CD1C: variants seen among roughly 807,000 people sequenced by gnomAD.
CD1C encodes T-cell surface glycoprotein CD1c.
Under a neutral mutation model 39.4 loss-of-function variants are expected in CD1C, and 47 were observed. That is an observed-to-expected ratio of 1.19 (90% confidence interval 0.94 to 1.52). The LOEUF is 1.52. Ranked by LOEUF, CD1C falls within the 40% of genes most tolerant of loss-of-function variation. CD1C has a pLI of 0.00. For synonymous variants in CD1C, 165 were observed against 150.8 expected, an observed-to-expected ratio of 1.09 and a Z score of -0.69; for missense variants, 417 against 395.2, an observed-to-expected ratio of 1.06 and a Z score of -0.47.
chr1:158,291,971 C>T (rs1295904754), intron 2 of CD1C, 113 bp from the exon 3 acceptor site: 1 of 1,062,450 alleles, frequency 9.4e-7, no homozygotes, highest in Non-Finnish European at 1.4e-6. Flanking sequence ...TTGGCTCACT[C>T]TCACATCCAT....
Position 158,292,069 on chromosome 1 carries a change from C to G in CD1C, c.329-15C>G. ...TTTTGTTTGAACTCTTTTTCTCATT[C>G]CTCCCTTCCTCCAGATCCCTTTGAA... On this transcript the variant is annotated splice_polypyrimidine_tract_variant and intron_variant, in intron 2 of 5. Transcript: ENST00000368170. 1 of 1,595,034 alleles carries G rather than the reference C, an allele frequency of 6.3e-7. No homozygotes were observed. The highest frequency in any genetic ancestry group is 8.5e-7 in the Non-Finnish European group (1 of 1,173,608).
chr1:158,294,441 A>T lies in CD1C; in HGVS notation c.*965A>T, dbSNP rs553535194. 6.6e-6 allele frequency among the ~76,000 whole-genome samples: 1 copy of T among 152,302 alleles called. No homozygotes were observed. Among genetic ancestry groups the T allele is most frequent in the Non-Finnish European group, 1.5e-5 (1 of 68,034 alleles). On this transcript the variant is annotated 3_prime_UTR_variant, in exon 6 of 6. Coordinates refer to ENST00000368170, the MANE Select transcript of CD1C (RefSeq NM_001765.3). ...TTGTGTCCACTCTCCTGAAGTTGCA[A>T]TGTTTGCTTCCTCAATCTGTCCATG...
At position 158,293,859 on chromosome 1, in the gene CD1C, A is replaced by G. The variant is rs1571147434; in HGVS notation, c.*383A>G. On this transcript the variant is annotated 3_prime_UTR_variant, in exon 6 of 6. Transcript: ENST00000368170. ...CATGATAAATGTGCCTTTCCTGCAT[A>G]TGATAGGCTCAGTGAAACACAAAAC... 1.3e-5 allele frequency among the ~76,000 whole-genome samples: 2 copies of G among 152,314 alleles called. No individual in the cohort carries two copies. Among genetic ancestry groups the G allele is most frequent in the South Asian group, 2.1e-4 (1 of 4,822 alleles).
At chr1:158,290,380 C>A (rs1425263019) in intron 1 of CD1C, among the ~76,000 whole-genome samples, 1 of 152,118 alleles carries the variant, frequency 6.6e-6, no homozygotes, top group African/African-American at 2.4e-5. Flanking sequence ...TCCGTTAAAA[C>A]AATCAGGGCC....
chr1:158,291,401 G>A lies in CD1C; in HGVS notation c.328+1G>A. 6.2e-7 allele frequency: 1 copy of A among 1,613,060 alleles called. No individual in the cohort carries two copies. Among genetic ancestry groups the A allele is most frequent in the Non-Finnish European group, 8.5e-7 (1 of 1,179,058 alleles). On this transcript the variant is annotated splice_donor_variant, in intron 2 of 5. Coordinates refer to ENST00000368170, the MANE Select transcript of CD1C (RefSeq NM_001765.3). LOFTEE classifies it high-confidence loss of function. ...CATGCAAGTCAAGATTACTCGAAAT[G>A]TAAGTTCAATCATCTAAATTATGGG... is the stretch of plus-strand genomic sequence containing the variant.
Position 158,290,832 on chromosome 1 carries a change from G to A in CD1C, c.62-302G>A, listed in dbSNP as rs184450607. On this transcript the variant is annotated intron_variant, in intron 1 of 5. Coordinates refer to ENST00000368170, the MANE Select transcript of CD1C (RefSeq NM_001765.3). ...CTCCCCGGTGGTGACAATGCAGATA[G>A]TATGAACATCTCTGTCAGCTGCAAG... Among the ~76,000 whole-genome samples the A allele has an allele frequency of 4.6e-5, 7 of 152,276 alleles. No homozygotes were observed. The East Asian group carries it at 1.4e-3, about 29-fold the overall frequency.
Position 158,289,935 on chromosome 1 carries a change from T to A in CD1C, c.-130T>A. On this transcript the variant is annotated 5_prime_UTR_variant, in exon 1 of 6. In the 5' UTR this introduces an upstream ATG that the reference lacks. Transcript: ENST00000368170. ...GGTTGAGGGAAGCAGATCTTCTTAG[T>A]TGCTGTCAGCGGCTGATGGGGAAGA... 1.3e-6 allele frequency: 1 copy of A among 740,928 alleles called. No homozygotes were observed. Among genetic ancestry groups the A allele is most frequent in the East Asian group, 2.7e-5 (1 of 37,398 alleles). 45.9% of individuals were successfully genotyped at this position (740,928 alleles called of 1,614,324 possible). A position where few individuals can be genotyped will look rare whatever the true frequency, so the allele number is the denominator to read the frequency against.
chr1:158,293,115 C>T (rs1651110915), intron 4 of CD1C, 97 bp from the exon 5 acceptor site: 6 of 1,011,598 alleles, frequency 5.9e-6, no homozygotes, highest in Non-Finnish European at 7.6e-6. Context: ...ACTGATGCAA[C>T]TCATCCAATG....
chr1:158,291,492 C>A, intron 2 of CD1C, 92 bp downstream of exon 2: 1 of 1,261,892 alleles, frequency 7.9e-7, no homozygotes, highest in Non-Finnish European at 1.1e-6. Flanking sequence ...TTCCCATTAT[C>A]CCATCCCACC....
chr1:158,292,468 G>A (rs1651079212), intron 3 of CD1C, 103 bp downstream of exon 3: 6 of 1,484,622 alleles, frequency 4.0e-6, no homozygotes, highest in Admixed American at 2.0e-5. Flanking sequence ...AAGAAGCAGG[G>A]GGGTTGCTGG....
In CD1C at chr1:158,292,380, C is replaced by T. The variant is rs1027985102; in HGVS notation, c.610+15C>T. The T allele has an allele frequency of 2.5e-6, 4 of 1,603,830 alleles. No individual in the cohort carries two copies. The highest frequency in any genetic ancestry group is 1.1e-5 in the South Asian group (1 of 89,840). On this transcript the variant is annotated intron_variant, in intron 3 of 5. Coordinates refer to ENST00000368170, the MANE Select transcript of CD1C (RefSeq NM_001765.3). ...ACACAGGCAAGGTCAGTAGTTTCAGCCCCTTCCTCTAAGATTTTTCTATTC... is the reference window on the plus strand; with the variant it reads ...ACACAGGCAAGGTCAGTAGTTTCAGTCCCTTCCTCTAAGATTTTTCTATTC...
At chr1:158,291,755 C>G (rs912228911) in intron 2 of CD1C, among the ~76,000 whole-genome samples, 15 of 152,104 alleles carry the variant, frequency 9.9e-5, no homozygotes, top group Non-Finnish European at 5.9e-5. Context: ...CCATTATGAC[C>G]AATTTCATGC....
At chr1:158,290,187 C>T in intron 1 of CD1C, 62 bp downstream of exon 1, 1 of 1,438,876 alleles carries the variant, frequency 6.9e-7, no homozygotes, top group Non-Finnish European at 9.8e-7. Context: ...CTGGGCTTTC[C>T]CGAGATGGAT....
chr1:158,290,654 T>A (rs1185995026), intron 1 of CD1C, among the ~76,000 whole-genome samples: 1 of 152,024 alleles, frequency 6.6e-6, no homozygotes, highest in Non-Finnish European at 1.5e-5. Context: ...CAGTGGCTGA[T>A]GGGGAAGATT....
Position 158,292,854 on chromosome 1 carries a change from A to G in CD1C, c.869A>G (p.Gln290Arg), listed in dbSNP as rs1651098458. ...CRVRHSSLGG[Q>R]DIILYWGHHF... The stretch of plus-strand genomic sequence containing the variant: ...GTGAGACACAGCAGTCTAGGAGGCC[A>G]GGACATCATCCTCTACTGGGGTAAG... The change falls in exon 4 of 6, where the codon CAG (glutamine) becomes CGG (arginine). Residue 290 changes from glutamine (Q) to arginine (R), a missense_variant. Physicochemically the swap from Gln to Arg is conservative, Grantham distance 43. Transcript: ENST00000368170. 1 of 1,614,164 alleles carries G rather than the reference A, an allele frequency of 6.2e-7. No individual in the cohort carries two copies. Among genetic ancestry groups the G allele is most frequent in the East Asian group, 2.2e-5 (1 of 44,882 alleles).
intron 2 of CD1C, among the ~76,000 whole-genome samples, 172 bp downstream of exon 2, chr1:158,291,572 C>T (rs1014914022): frequency 6.6e-6 from 1 of 152,094 alleles, no homozygotes; most frequent in Non-Finnish European, 1.5e-5. Context: ...TTCCTAGGCT[C>T]TTGCTATTTT....
At chr1:158,293,136 G>A (rs1385499194) in intron 4 of CD1C, 76 bp from the exon 5 acceptor site, 2 of 1,185,862 alleles carry the variant, frequency 1.7e-6, no homozygotes, top group Non-Finnish European at 2.5e-6. Context: ...CATATGTTAA[G>A]TAAGGAAATC....
At position 158,289,991 on chromosome 1, in the gene CD1C, A is replaced by T. The variant is rs555712167; in HGVS notation, c.-74A>T. 7 of 1,363,784 alleles carry T rather than the reference A, an allele frequency of 5.1e-6. No individual in the cohort carries two copies. Among genetic ancestry groups the T allele is most frequent in the Non-Finnish European group, 7.3e-6 (7 of 954,252 alleles). The allele number at this position is 1,363,784 out of a possible 1,614,324, so 84.5% of individuals were successfully genotyped here. A position where few individuals can be genotyped will look rare whatever the true frequency, so the allele number is the denominator to read the frequency against. The stretch of plus-strand genomic sequence containing the variant: ...GGTAGAAGGAAGTCAGAATATAGGT[A>T]CAGAGGGATAAGTTTGCTAAGAACA... On this transcript the variant is annotated 5_prime_UTR_variant, in exon 1 of 6. Coordinates refer to ENST00000368170, the MANE Select transcript of CD1C (RefSeq NM_001765.3).
At chr1:158,290,382 A>G (rs1650992012) in intron 1 of CD1C, among the ~76,000 whole-genome samples, 2 of 152,146 alleles carry the variant, frequency 1.3e-5, no homozygotes, top group African/African-American at 4.8e-5. Context: ...CGTTAAAACA[A>G]TCAGGGCCCA....
Sources: allele counts gnomAD v4.1 joint callset (sites outside exome capture counted in the v4.1 genomes callset), GRCh38; gene constraint gnomAD v4.1.1; transcripts MANE v1.5; gene names NCBI Gene and HGNC (gene_info 2026-07-23, HGNC 2026-07-21).